Variants in METTL17 observed in about 807,000 individuals in gnomAD.
METTL17 encodes the protein methyltransferase like 17, also known as ribosome assembly protein METTL17, mitochondrial.
Under a neutral mutation model 59.4 loss-of-function variants are expected in METTL17, and 49 were observed. The observed-to-expected ratio is 0.82, with a 90% CI of 0.66 to 1.05. METTL17 has a LOEUF of 1.05. Among genes scored for constraint, METTL17 ranks in the 50% least tolerant of loss-of-function variants. METTL17 has a pLI of 0.00. For synonymous variants in METTL17, 208 were observed against 209.2 expected (o/e 0.99, Z 0.05); for missense variants, 555 against 578.4 (o/e 0.96, Z 0.41).
chr14:20,995,864 G>A, intron 10 of METTL17, 37 bp from the exon 11 acceptor site: 1 of 1,582,080 alleles, frequency 6.3e-7, no homozygotes, highest in South Asian at 1.1e-5. Context: ...ATAGACCCTT[G>A]GCCCAGCTTT....
intron 5 of METTL17, 53 bp from the exon 6 acceptor site, chr14:20,993,065 G>A: frequency 4.1e-6 from 6 of 1,480,052 alleles, no homozygotes; most frequent in Non-Finnish European, 1.9e-6. Context: ...ATTTATCAAG[G>A]TCCTAAATAA....
Position 20,990,062 on chromosome 14 carries a change from G to A in METTL17, c.60G>A (p.Val20=), listed in dbSNP as rs201124380. The stretch of plus-strand genomic sequence containing the variant: ...GAAGATGGTGCCCCGGCCTTGGAGT[G>A]GCTCCCCAGGCCCGGGTGAGTGCCT... ...TLGRWCPGLG[V]APQARALAAL... The change falls in exon 1 of 14, where the codon GTG becomes GTA. Residue 20 remains valine, a synonymous_variant. Coordinates refer to ENST00000339374, the MANE Select transcript of METTL17 (RefSeq NM_022734.3). The A allele has an allele frequency of 1.2e-6, 2 of 1,613,324 alleles. No individual in the cohort carries two copies. Among genetic ancestry groups the A allele is most frequent in the African/African-American group, 2.7e-5 (2 of 75,024 alleles).
chr14:20,992,229 A>G lies in METTL17; in HGVS notation c.446+24A>G, dbSNP rs925086564. ...AGGTAAGGGGGCCCAGAAGAGGTGC[A>G]CAAGAAAGCAAAGGTAGACTTTAGA... On this transcript the variant is annotated intron_variant, in intron 4 of 13. Coordinates refer to ENST00000339374, the MANE Select transcript of METTL17 (RefSeq NM_022734.3). 6 of 1,438,692 alleles carry G rather than the reference A, an allele frequency of 4.2e-6. No homozygotes were observed. The Admixed American group carries it at 1.2e-4, about 28-fold the overall frequency. 89.1% of individuals were successfully genotyped at this position (1,438,692 alleles called of 1,614,324 possible). A position where few individuals can be genotyped will look rare whatever the true frequency, so the allele number is the denominator to read the frequency against.
chr14:20,990,171 G>A, intron 1 of METTL17, 59 bp from the exon 2 acceptor site: 33 of 1,599,676 alleles, frequency 2.1e-5, no homozygotes, highest in Non-Finnish European at 2.8e-5. Flanking sequence ...CCCCGCCCTA[G>A]CGATTGCCAG....
chr14:20,994,053 A>C lies in METTL17; in HGVS notation c.687A>C (p.Lys229Asn). The stretch of plus-strand genomic sequence containing the variant: ...CTGCCATGTTGGTTTTGGCAGAAAA[A>C]CTACTGAAAGGTGAGTGCAAGAGCA... Reference protein sequence around the residue: ...RSAAMLVLAEKLLKGGSESGE... With the variant: ...RSAAMLVLAENLLKGGSESGE... Residue 229 changes from lysine (K) to asparagine (N), a missense_variant, in exon 7 of 14, where the codon AAA becomes AAC. By Grantham distance (94) the Lys-to-Asn change is moderately conservative (BLOSUM62 0). Transcript: ENST00000339374. 1 of 1,613,704 alleles carries C rather than the reference A, an allele frequency of 6.2e-7. No homozygotes were observed. Among genetic ancestry groups the C allele is most frequent in the Non-Finnish European group, 8.5e-7 (1 of 1,179,690 alleles).
rs1276940769 is a variant in METTL17, at chr14:20,996,891, T to C, written c.*1T>C. ...GGCTCAGGATCCCTCTGAGAGTTGA[T>C]GAGGATGTGTAACAAGTATTTTCTT... On this transcript the variant is annotated 3_prime_UTR_variant, in exon 14 of 14. Coordinates refer to ENST00000339374, the MANE Select transcript of METTL17 (RefSeq NM_022734.3). 6.2e-7 allele frequency: 1 copy of C among 1,602,802 alleles called. No individual in the cohort carries two copies. The highest frequency in any genetic ancestry group is 8.5e-7 in the Non-Finnish European group (1 of 1,173,640).
In METTL17 at chr14:20,992,590, G is replaced by A; in HGVS notation, c.496G>A (p.Gly166Ser). ...GTATATGGCAGCAAGACTGGATGGT[G>A]GCTTTGCAGCAGTCTCCAGAGCATT... is the stretch of plus-strand genomic sequence containing the variant. Reference protein sequence around the residue: ...LVYMAARLDGGFAAVSRAFHE... With the variant: ...LVYMAARLDGSFAAVSRAFHE... Residue 166 changes from glycine (G) to serine (S), a missense_variant, in exon 5 of 14, where the codon GGC becomes AGC. Physicochemically the swap from Gly to Ser is moderately conservative, Grantham distance 56 (BLOSUM62 0). Coordinates refer to ENST00000339374, the MANE Select transcript of METTL17 (RefSeq NM_022734.3). The A allele has an allele frequency of 3.7e-6, 6 of 1,614,140 alleles. No individual in the cohort carries two copies. The highest frequency in any genetic ancestry group is 5.1e-6 in the Non-Finnish European group (6 of 1,180,012).
rs769369044 is a variant in METTL17 at position 20,992,214 on chromosome 14, G to A, written c.446+9G>A. ...CATTGGCAAGAACTGAGGTAAGGGG[G>A]CCCAGAAGAGGTGCACAAGAAAGCA... On this transcript the variant is annotated intron_variant, in intron 4 of 13. Transcript: ENST00000339374. 1 of 1,553,964 alleles carries A rather than the reference G, an allele frequency of 6.4e-7. No homozygotes were observed. The highest frequency in any genetic ancestry group is 8.8e-7 in the Non-Finnish European group (1 of 1,135,536).
chr14:20,990,868 G>GT lies in METTL17; in HGVS notation c.364+271dup, dbSNP rs199732886. ...TTGCTTTGAGACAGAGTCTTGCTCTGTCACCCAGGCTGAAGTGTAATGCTC... is the reference window on the plus strand; with the variant it reads ...TTGCTTTGAGACAGAGTCTTGCTCTGTTCACCCAGGCTGAAGTGTAATGCTC... On this transcript the variant is annotated intron_variant, in intron 3 of 13. Transcript: ENST00000339374. The GT allele has an allele frequency of 8.3e-3, 3,458 of 414,384 alleles. 80 individuals are homozygous for GT. The highest frequency in any genetic ancestry group is 0.067 in the East Asian group (1,316 of 19,696). 25.7% of individuals were successfully genotyped at this position (414,384 alleles called of 1,614,324 possible). A position where few individuals can be genotyped will look rare whatever the true frequency, so the allele number is the denominator to read the frequency against.
At chr14:20,993,687 C>A (rs4982388) in intron 6 of METTL17, 17,902 of 238,840 alleles carry the variant, frequency 0.075, 753 homozygotes, top group Admixed American at 0.096. Flanking sequence ...ATTGGCCAGG[C>A]TGGTCTCTAA....
Position 20,995,115 on chromosome 14 carries a change from T to C in METTL17, c.877-50T>C, listed in dbSNP as rs886073787. The stretch of plus-strand genomic sequence containing the variant: ...GCTCTTACACAGCTACTGACATTTA[T>C]ACTTTCGTGTAATTCAAGTCTTCTG... On this transcript the variant is annotated intron_variant, in intron 9 of 13. Transcript: ENST00000339374. The C allele has an allele frequency of 4.6e-6, 7 of 1,530,898 alleles. No homozygotes were observed. In the African/African-American group the frequency reaches 8.2e-5, roughly 18 times the overall value. 94.8% of individuals were successfully genotyped at this position (1,530,898 alleles called of 1,614,324 possible).
chr14:20,994,409 C>T (rs1411646644), intron 7 of METTL17, 134 bp from the exon 8 acceptor site: 4 of 788,864 alleles, frequency 5.1e-6, no homozygotes, highest in African/African-American at 1.7e-5. Context: ...GCACGCACCG[C>T]CATACCTGGC....
chr14:20,996,977 A>G lies in METTL17; in HGVS notation c.*87A>G. The G allele has an allele frequency of 2.3e-6, 3 of 1,307,702 alleles. No individual in the cohort carries two copies. Among genetic ancestry groups the G allele is most frequent in the African/African-American group, 1.5e-5 (1 of 67,902 alleles). 81.0% of individuals were successfully genotyped at this position (1,307,702 alleles called of 1,614,324 possible). On this transcript the variant is annotated 3_prime_UTR_variant, in exon 14 of 14. Transcript: ENST00000339374. The stretch of plus-strand genomic sequence containing the variant: ...CCAGGAGGGGAATGCTGGTATCCCC[A>G]TATGTCTGTGTTTGTTTGAGATTTT...
rs766765501 is a variant in METTL17 at position 20,996,205 on chromosome 14, A to G, written c.997-4A>G. The G allele has an allele frequency of 1.9e-6, 3 of 1,613,122 alleles. No homozygotes were observed. The Admixed American group carries it at 5.0e-5, about 27-fold the overall frequency. ...TCTTACCTCATTTTTTTATGTGTTC[A>G]CAGTGTCCCCATGAACTCCCTTGTC... On this transcript the variant is annotated splice_region_variant and splice_polypyrimidine_tract_variant and intron_variant, in intron 11 of 13. Transcript: ENST00000339374.
rs143988307 is a variant in METTL17, at chr14:20,992,435, C to T, written c.447-106C>T. 1,179 of 972,822 alleles carry T rather than the reference C, an allele frequency of 1.2e-3. 10 individuals are homozygous for T. In the African/African-American group the frequency reaches 0.016, roughly 13 times the overall value. The allele number at this position is 972,822 out of a possible 1,614,324, so 60.3% of individuals were successfully genotyped here. ...CCTTTTGTATTGGGGAGTGAAAGGC[C>T]TGAGCTGGAAGAGCCCTTTCCAAGA... On this transcript the variant is annotated intron_variant, in intron 4 of 13. Transcript: ENST00000339374.
chr14:20,995,113 T>C, intron 9 of METTL17, 52 bp from the exon 10 acceptor site: 1 of 1,529,176 alleles, frequency 6.5e-7, no homozygotes, highest in Non-Finnish European at 9.1e-7. Flanking sequence ...TACTGACATT[T>C]ATACTTTCGT....
At chr14:20,990,200 G>A (rs761119872) in intron 1 of METTL17, 30 bp from the exon 2 acceptor site, 3 of 1,613,826 alleles carry the variant, frequency 1.9e-6, no homozygotes, top group Non-Finnish European at 8.5e-7. Context: ...CTTTCTGCCA[G>A]GAAATCAACC....
intron 5 of METTL17, 179 bp downstream of exon 5, chr14:20,992,801 G>A (rs1880107201): frequency 3.2e-6 from 2 of 619,466 alleles, no homozygotes; most frequent in Non-Finnish European, 5.7e-6. Flanking sequence ...GCTGAGGCAG[G>A]AGGATTGCTT....
At chr14:20,991,853 T>G in intron 3 of METTL17, 1 of 328,854 alleles carries the variant, frequency 3.0e-6, no homozygotes, top group Non-Finnish European at 5.6e-6. Flanking sequence ...GTATCACACT[T>G]TCCTTTAATA....
Sources: gnomAD v4.1 joint callset for allele counts on GRCh38, gnomAD v4.1.1 for gene constraint, MANE v1.5 for transcripts, NCBI Gene and HGNC (gene_info 2026-07-23, HGNC 2026-07-21) for gene names.